Variants in CACNA1I observed in about 807,000 individuals in gnomAD.
The protein encoded by CACNA1I is voltage-dependent T-type calcium channel subunit alpha-1I.
CACNA1I carries 74 observed loss-of-function variants against 201.6 expected under a neutral mutation model. The ratio of observed to expected loss-of-function variants is 0.37; its 90% CI spans 0.30 to 0.45. CACNA1I has a LOEUF of 0.45. CACNA1I is among the 20% of genes least tolerant of loss of function. The pLI is 1.00. For synonymous variants in CACNA1I, 1,431 were observed against 1,345.2 expected (o/e 1.06, Z -1.40); for missense variants, 2,346 against 3,138.1 (o/e 0.75, Z 6.03).
Position 39,647,898 on chromosome 22 carries a change from C to CT in CACNA1I, c.1540dup (p.Ser514PhefsTer5). On this transcript the variant is annotated frameshift_variant, in exon 9 of 37. Coordinates refer to ENST00000402142, the MANE Select transcript of CACNA1I (RefSeq NM_021096.4). LOFTEE classifies it high-confidence loss of function. ...ATTGCCAGACTTTGCATGGGCCTGC[C>CT]TCCCCTGGAAATGATCACTCGGGAA... The CT allele has an allele frequency of 6.2e-7, 1 of 1,613,662 alleles. No individual in the cohort carries two copies. Among genetic ancestry groups the CT allele is most frequent in the Non-Finnish European group, 8.5e-7 (1 of 1,179,860 alleles).
At chr22:39,572,664 C>A (rs1932224234) in intron 1 of CACNA1I, among the ~76,000 whole-genome samples, 1 of 152,104 alleles carries the variant, frequency 6.6e-6, no homozygotes, top group East Asian at 1.9e-4. Context: ...CCAGCACTCA[C>A]TGACATCTGC....
intron 4 of CACNA1I, among the ~76,000 whole-genome samples, chr22:39,627,297 C>T (rs923242497): frequency 6.6e-6 from 1 of 152,246 alleles, no homozygotes; most frequent in African/African-American, 2.4e-5. Context: ...TTGGGGTGCA[C>T]AGGTCTCGTG....
At chr22:39,654,491 C>A (rs1435445979) in intron 10 of CACNA1I, among the ~76,000 whole-genome samples, 1 of 120,200 alleles carries the variant, frequency 8.3e-6, no homozygotes, top group African/African-American at 5.6e-5. Flanking sequence ...GCCCCAGCTC[C>A]CAGAGGACTG....
chr22:39,629,439 C>A lies in CACNA1I; in HGVS notation c.581-5126C>A, dbSNP rs1198606650. 6.6e-6 allele frequency among the ~76,000 whole-genome samples: 1 copy of A among 151,970 alleles called. No individual in the cohort carries two copies. The highest frequency in any genetic ancestry group is 2.4e-5 in the African/African-American group (1 of 41,372). ...ATCCCTCTGCTTGGCCTCCAAAATA[C>A]CTCCAGAATCCACCATGTTCCCCAC... On this transcript the variant is annotated intron_variant, in intron 4 of 36. Transcript: ENST00000402142. The surrounding 1 kb of genome is among the most constrained non-coding windows in gnomAD (Gnocchi z 4.8).
intron 1 of CACNA1I, among the ~76,000 whole-genome samples, chr22:39,580,063 C>G (rs1038193607): frequency 1.3e-5 from 2 of 152,196 alleles, no homozygotes; most frequent in Non-Finnish European, 2.9e-5. Context: ...ACCCAAACAC[C>G]TCCCTCTAGG....
At chr22:39,611,731 A>G (rs1251493723) in intron 3 of CACNA1I, among the ~76,000 whole-genome samples, 1 of 152,186 alleles carries the variant, frequency 6.6e-6, no homozygotes, top group Non-Finnish European at 1.5e-5. Context: ...AAACCACTGG[A>G]GTAAAGTAAC....
At chr22:39,680,504 T>C (rs907299609) in intron 33 of CACNA1I, among the ~76,000 whole-genome samples, 1 of 152,206 alleles carries the variant, frequency 6.6e-6, no homozygotes, top group East Asian at 1.9e-4. Context: ...CTGTGGTGGC[T>C]GCAGATTCTC....
intron 5 of CACNA1I, among the ~76,000 whole-genome samples, chr22:39,635,586 C>G (rs1934192456): frequency 6.6e-6 from 1 of 152,172 alleles, no homozygotes. Flanking sequence ...TGTGGGGGAA[C>G]AGTAGGGTAC....
chr22:39,661,009 T>C, intron 15 of CACNA1I, 99 bp from the exon 16 acceptor site: 2 of 992,806 alleles, frequency 2.0e-6, no homozygotes, highest in Non-Finnish European at 3.1e-6. Flanking sequence ...AGCTCTCCAT[T>C]TCTGCTCCTT....
intron 27 of CACNA1I, 82 bp from the exon 28 acceptor site, chr22:39,672,867 G>C (rs1935412003): frequency 6.8e-7 from 1 of 1,465,224 alleles, no homozygotes; most frequent in Non-Finnish European, 9.2e-7. Context: ...CAGGACCTGG[G>C]AGGCTCCCCC....
chr22:39,607,262 T>C (rs6001638), intron 3 of CACNA1I, among the ~76,000 whole-genome samples: 79,085 of 152,108 alleles, frequency 0.52, 22,262 homozygotes, highest in African/African-American at 0.7. Context: ...AGGGTGTGCA[T>C]AGATCAGGAA....
rs986674279 is a variant in CACNA1I, at chr22:39,661,989, G to C, written c.2926G>C (p.Gly976Arg). The C allele has an allele frequency of 2.6e-6, 4 of 1,555,798 alleles. No individual in the cohort carries two copies. The highest frequency in any genetic ancestry group is 3.5e-6 in the Non-Finnish European group (4 of 1,156,580). The change falls in exon 17 of 37, where the codon GGG (glycine) becomes CGG (arginine). Residue 976 changes from glycine (G) to arginine (R), a missense_variant. Physicochemically the swap from Gly to Arg is moderately radical, Grantham distance 125. Transcript: ENST00000402142. ...GTCCAGCTCCCGGAGCTCCTACTAC[G>C]GGCCATGGGGCCGCAGCGCGGCCTG... ...SLSSSRSSYY[G>R]PWGRSAAWAS...
At chr22:39,673,466 G>T (rs1403380632) in intron 28 of CACNA1I, among the ~76,000 whole-genome samples, 3 of 152,182 alleles carry the variant, frequency 2.0e-5, no homozygotes, top group Non-Finnish European at 4.4e-5. Flanking sequence ...CAGTGACTGG[G>T]ACGCACGGTC....
chr22:39,622,947 C>T (rs1402199179), intron 4 of CACNA1I, among the ~76,000 whole-genome samples: 1 of 152,250 alleles, frequency 6.6e-6, no homozygotes, highest in Non-Finnish European at 1.5e-5. Flanking sequence ...AGCCCACAGG[C>T]ACCGCCACCT....
chr22:39,594,485 G>A (rs1932856776), intron 1 of CACNA1I, among the ~76,000 whole-genome samples: 1 of 152,194 alleles, frequency 6.6e-6, no homozygotes. Flanking sequence ...AGGGGGCCCT[G>A]GCAGCGACTG....
In CACNA1I at chr22:39,679,374, G is replaced by GGGCCGGGAGGGGC; in HGVS notation, c.5326_5338dup (p.Gly1780AlafsTer77). ...CGGCTCCCCGGGCGCCCCTGGCCGA[G>GGGCCGGGAGGGGC]GGCCGGGAGGGGCGGGCGGCGGGGG... On this transcript the variant is annotated frameshift_variant, in exon 32 of 37. Coordinates refer to ENST00000402142, the MANE Select transcript of CACNA1I (RefSeq NM_021096.4). LOFTEE classifies it high-confidence loss of function. The GGGCCGGGAGGGGC allele has an allele frequency of 6.6e-7, 1 of 1,518,584 alleles. No homozygotes were observed. Among genetic ancestry groups the GGGCCGGGAGGGGC allele is most frequent in the Non-Finnish European group, 8.8e-7 (1 of 1,137,722 alleles). 94.1% of individuals were successfully genotyped at this position (1,518,584 alleles called of 1,614,324 possible).
chr22:39,577,494 A>C (rs1020383784), intron 1 of CACNA1I, among the ~76,000 whole-genome samples: 1 of 152,226 alleles, frequency 6.6e-6, no homozygotes, highest in Non-Finnish European at 1.5e-5. Flanking sequence ...GCTGCGCGTG[A>C]CGAGGGTTGA....
In CACNA1I at chr22:39,649,394, C is replaced by T. The variant is rs1057351132; in HGVS notation, c.1568-107C>T. 1.6e-6 allele frequency: 2 copies of T among 1,218,348 alleles called. No individual in the cohort carries two copies. Among genetic ancestry groups the T allele is most frequent in the Admixed American group, 3.1e-5 (1 of 32,062 alleles). The allele number at this position is 1,218,348 out of a possible 1,614,324, so 75.5% of individuals were successfully genotyped here. On this transcript the variant is annotated intron_variant, in intron 9 of 36. Transcript: ENST00000402142. This position sits in a 1 kb window ranked among gnomAD's most constrained non-coding sequence, Gnocchi z 7.3. ...CTTTCCAGGCTGGGTCGGCTGGTTC[C>T]AGGCAGACCTGTGGGCCTGGGAGCC... is the stretch of plus-strand genomic sequence containing the variant.
intron 34 of CACNA1I, 26 bp downstream of exon 34, chr22:39,681,078 C>T: frequency 6.3e-7 from 1 of 1,595,516 alleles, no homozygotes. Context: ...GACTCCTGAG[C>T]AGGCGGGTCT....
Sources: allele counts gnomAD v4.1 joint callset (sites outside exome capture counted in the v4.1 genomes callset), GRCh38; gene constraint gnomAD v4.1.1; non-coding constraint Gnocchi (gnomAD v3.1); transcripts MANE v1.5; gene names NCBI Gene and HGNC (gene_info 2026-07-23, HGNC 2026-07-21).